The following SMIM20 variants were observed in gnomAD, a reference collection of about 807,000 sequenced individuals.
The protein encoded by SMIM20 is small integral membrane protein 20, also known as mitochondrial translation regulation assembly intermediate of cytochrome c oxidase protein of 7 kDa.
A neutral mutation model predicts 8.7 loss-of-function variants in SMIM20; 3 were observed. The ratio of observed to expected loss-of-function variants is 0.34; its 90% CI spans 0.16 to 0.89. SMIM20 has a LOEUF of 0.89. Ranked by LOEUF, SMIM20 falls within the 40% of genes least tolerant of loss-of-function variation. The pLI, the probability that SMIM20 is intolerant of heterozygous loss-of-function variation, is 0.49. For missense variants in SMIM20, 85 were observed against 84.8 expected (o/e 1.00, Z -0.01); for synonymous variants, 44 against 33.6 (o/e 1.31, Z -1.07).
At chr4:25,917,276 C>T (rs1719106534) in intron 1 of SMIM20, among the ~76,000 whole-genome samples, 1 of 151,696 alleles carries the variant, frequency 6.6e-6, no homozygotes, top group East Asian at 1.9e-4. Context: ...TTCTCTGAGC[C>T]CTGCCTGTTT....
rs11538095 is a variant in SMIM20, at chr4:25,929,523, T to C, written c.*332T>C. The C allele has an allele frequency of 4.5e-6, 1 of 224,466 alleles. No individual in the cohort carries two copies. 13.9% of individuals were successfully genotyped at this position (224,466 alleles called of 1,614,324 possible). On this transcript the variant is annotated 3_prime_UTR_variant, in exon 3 of 3. Transcript: ENST00000506197. ...CCACTTACTCAAGCGAGCTGTGATA[T>C]GAATACAAGCAACCAGTGGGCTCGG...
chr4:25,919,592 G>A (rs1719163430), intron 1 of SMIM20, among the ~76,000 whole-genome samples: 1 of 151,750 alleles, frequency 6.6e-6, no homozygotes, highest in Non-Finnish European at 1.5e-5. Context: ...AGGCAATCCG[G>A]CTGTCTCAGC....
chr4:25,920,963 A>T (rs908402039), intron 1 of SMIM20, among the ~76,000 whole-genome samples: 1 of 152,042 alleles, frequency 6.6e-6, no homozygotes, highest in Non-Finnish European at 1.5e-5. Flanking sequence ...AGTACACTCT[A>T]TGATGGTTGC....
In SMIM20 at chr4:25,928,203, C is replaced by T. The variant is rs112115753; in HGVS notation, c.110-110C>T. ...AATAGCGTATCTGAATTTAACAGCA[C>T]TCATAAATACTGTTTTCTAATTGTC... On this transcript the variant is annotated intron_variant, in intron 1 of 2. Coordinates refer to ENST00000506197, the MANE Select transcript of SMIM20 (RefSeq NM_001145432.3). The T allele has an allele frequency of 3.7e-6, 4 of 1,074,034 alleles. No homozygotes were observed. In the East Asian group the frequency reaches 1.1e-4, roughly 28 times the overall value. 66.5% of individuals were successfully genotyped at this position (1,074,034 alleles called of 1,614,324 possible).
intron 1 of SMIM20, among the ~76,000 whole-genome samples, chr4:25,915,055 G>A (rs1719058545): frequency 6.6e-6 from 1 of 152,140 alleles, no homozygotes; most frequent in Admixed American, 6.5e-5. Context: ...TCCCCAAGAT[G>A]TTTTTTGAGT....
intron 1 of SMIM20, among the ~76,000 whole-genome samples, chr4:25,914,771 A>G (rs1479941550): frequency 1.3e-5 from 2 of 152,238 alleles, no homozygotes; most frequent in Non-Finnish European, 2.9e-5. Flanking sequence ...ACGTCAGGTT[A>G]GGCATATGTT....
At chr4:25,914,549 G>A in intron 1 of SMIM20, 127 bp downstream of exon 1, 1 of 884,968 alleles carries the variant, frequency 1.1e-6, no homozygotes, top group Non-Finnish European at 1.6e-6. Context: ...TTCGAATCCT[G>A]CCATGTGCAG....
chr4:25,920,948 G>T (rs1217490022), intron 1 of SMIM20, among the ~76,000 whole-genome samples: 1 of 152,186 alleles, frequency 6.6e-6, no homozygotes, highest in Non-Finnish European at 1.5e-5. Context: ...GTCTAGGTTT[G>T]TGCAAGTACA....
chr4:25,928,402 T>G lies in SMIM20; in HGVS notation c.166+33T>G, dbSNP rs184971330. 3.8e-5 allele frequency: 59 copies of G among 1,545,268 alleles called. No homozygotes were observed. In the African/African-American group the frequency reaches 7.3e-4, roughly 19 times the overall value. On this transcript the variant is annotated intron_variant, in intron 2 of 2. Transcript: ENST00000506197. Reference sequence around the variant, plus strand: ...GAAAAAAAAAAATCAAAACCAAATCTTATTTGTACTACTGTGTTGTGCGGG... The same window carrying G: ...GAAAAAAAAAAATCAAAACCAAATCGTATTTGTACTACTGTGTTGTGCGGG...
chr4:25,920,567 A>AT (rs1400749677), intron 1 of SMIM20, among the ~76,000 whole-genome samples: 1 of 152,220 alleles, frequency 6.6e-6, no homozygotes, highest in East Asian at 1.9e-4. Context: ...GCTGAGGTTC[A>AT]TTTATTACTG....
chr4:25,925,254 T>A (rs1719270244), intron 1 of SMIM20, among the ~76,000 whole-genome samples: 1 of 152,214 alleles, frequency 6.6e-6, no homozygotes, highest in Non-Finnish European at 1.5e-5. Flanking sequence ...TTTTCTTTTT[T>A]GAGACAGAGT....
intron 1 of SMIM20, among the ~76,000 whole-genome samples, chr4:25,918,889 CTTTTTTTTTTTT>C (rs775952783): frequency 3.3e-5 from 3 of 91,694 alleles, no homozygotes; most frequent in Admixed American, 1.3e-4. Context: ...ATGTGAATAT[CTTTTTTTTTTTT>C]TTTTTTTTTT....
At chr4:25,928,132 C>T (rs559432293) in intron 1 of SMIM20, 181 bp from the exon 2 acceptor site, 5 of 469,038 alleles carry the variant, frequency 1.1e-5, no homozygotes, top group Non-Finnish European at 1.8e-5. Context: ...TACCCAATCT[C>T]TTTTGCATTA....
intron 1 of SMIM20, among the ~76,000 whole-genome samples, chr4:25,926,658 T>C (rs188337437): frequency 7.9e-5 from 12 of 152,370 alleles, no homozygotes; most frequent in Non-Finnish European, 1.0e-4. Context: ...TCAGCTTCCT[T>C]TGATGCTTGG....
chr4:25,925,160 A>T (rs995119502), intron 1 of SMIM20, among the ~76,000 whole-genome samples: 2 of 152,228 alleles, frequency 1.3e-5, no homozygotes, highest in African/African-American at 4.8e-5. Context: ...TTCAACTTGT[A>T]TGGAATATAC....
chr4:25,924,200 A>G (rs1719247711), intron 1 of SMIM20, among the ~76,000 whole-genome samples: 1 of 152,250 alleles, frequency 6.6e-6, no homozygotes, highest in Non-Finnish European at 1.5e-5. Flanking sequence ...CAGCAGCAAC[A>G]AAAGCAACTG....
intron 1 of SMIM20, among the ~76,000 whole-genome samples, chr4:25,926,265 T>C (rs931178601): frequency 2.0e-5 from 3 of 152,242 alleles, no homozygotes; most frequent in African/African-American, 7.2e-5. Context: ...TAGAGTATTC[T>C]GCATTCACAG....
chr4:25,927,961 C>G (rs548357420), intron 1 of SMIM20, among the ~76,000 whole-genome samples: 2 of 152,320 alleles, frequency 1.3e-5, no homozygotes, highest in South Asian at 4.1e-4. Flanking sequence ...TCCTTCAATT[C>G]AGCAGCTTTC....
At position 25,928,334 on chromosome 4, in the gene SMIM20, G is replaced by A. The variant is rs748353732; in HGVS notation, c.131G>A (p.Arg44Gln). ...EEYKKEQAINRAGIVQEDVQP... is the reference protein window; with the variant it reads ...EEYKKEQAINQAGIVQEDVQP... ...TCAGAGAAGGAACAAGCTATAAATC[G>A]GGCTGGAATTGTTCAAGAGGATGTG... is the stretch of plus-strand genomic sequence containing the variant. Residue 44 changes from arginine to glutamine, a missense_variant, in exon 2 of 3, where the codon CGG (arginine) becomes CAG (glutamine). By Grantham distance (43) the Arg-to-Gln change is conservative. Transcript: ENST00000506197. The A allele has an allele frequency of 6.5e-6, 10 of 1,549,070 alleles. No individual in the cohort carries two copies. Among genetic ancestry groups the A allele is most frequent in the East Asian group, 2.4e-5 (1 of 40,842 alleles).
Sources: allele counts gnomAD v4.1 joint callset (sites outside exome capture counted in the v4.1 genomes callset), GRCh38; gene constraint gnomAD v4.1.1; transcripts MANE v1.5; gene names NCBI Gene and HGNC (gene_info 2026-07-23, HGNC 2026-07-21).